MACO1: variants seen among roughly 807,000 people sequenced by gnomAD.
MACO1 encodes the protein macoilin.
In MACO1, 14 loss-of-function variants were observed where a neutral mutation model predicts 78.7. The ratio of observed to expected loss-of-function variants is 0.18; its 90% confidence interval spans 0.12 to 0.28. The LOEUF (loss-of-function observed/expected upper bound fraction) is 0.28, where lower values mean the gene tolerates loss of function less well. Among genes scored for constraint, MACO1 ranks in the 10% least tolerant of loss-of-function variants. The pLI is 1.00. For missense variants in MACO1, 501 were observed against 799.0 expected (o/e 0.63, Z 4.50); for synonymous variants, 288 against 291.6 (o/e 0.99, Z 0.12).
At chr1:25,452,224 A>T (rs2043072898) in intron 3 of MACO1, among the ~76,000 whole-genome samples, 2 of 152,170 alleles carry the variant, frequency 1.3e-5, no homozygotes, top group South Asian at 4.1e-4. Flanking sequence ...CTTTAGTTTC[A>T]TCCCAAAGAT....
intron 9 of MACO1, among the ~76,000 whole-genome samples, chr1:25,490,430 C>T (rs1002267695): frequency 1.5e-4 from 23 of 152,122 alleles, no homozygotes; most frequent in African/African-American, 5.1e-4. Flanking sequence ...ATGAAATTAG[C>T]AGATGATTTT....
chr1:25,474,033 G>T (rs972246081), intron 6 of MACO1, among the ~76,000 whole-genome samples: 1 of 152,234 alleles, frequency 6.6e-6, no homozygotes, highest in Admixed American at 6.5e-5. Flanking sequence ...ACAGGAGTGA[G>T]TGAGGCAGGC....
chr1:25,474,996 A>C (rs2043307371), intron 6 of MACO1, among the ~76,000 whole-genome samples: 1 of 152,170 alleles, frequency 6.6e-6, no homozygotes, highest in Admixed American at 6.5e-5. Context: ...ATTTAGAAAA[A>C]CTATTATTTT....
chr1:25,431,196 C>T lies in MACO1; in HGVS notation c.80+18C>T, dbSNP rs758701355. On this transcript the variant is annotated intron_variant, in intron 1 of 10. Coordinates refer to ENST00000374343, the MANE Select transcript of MACO1 (RefSeq NM_018202.6). ...TACGGCAGGTGAGCGGCTGCACCCC[C>T]ACTCCGCGGGCGCGGGCCCTGCGGT... is the stretch of plus-strand genomic sequence containing the variant. 4 of 1,578,342 alleles carry T rather than the reference C, an allele frequency of 2.5e-6. No individual in the cohort carries two copies. The highest frequency in any genetic ancestry group is 1.8e-5 in the Admixed American group (1 of 55,360).
At chr1:25,476,057 T>A (rs1205493367) in intron 6 of MACO1, among the ~76,000 whole-genome samples, 1 of 152,232 alleles carries the variant, frequency 6.6e-6, no homozygotes, top group African/African-American at 2.4e-5. Context: ...ACATAAGATA[T>A]GAATATTAAT....
At chr1:25,449,128 A>G (rs565347790) in intron 3 of MACO1, among the ~76,000 whole-genome samples, 194 bp downstream of exon 3, 1 of 152,260 alleles carries the variant, frequency 6.6e-6, no homozygotes, top group South Asian at 2.1e-4. Flanking sequence ...TTAAGCTGTT[A>G]TGATTTGATA....
intron 6 of MACO1, among the ~76,000 whole-genome samples, chr1:25,469,633 CT>C (rs1222159978): frequency 0.019 from 2,363 of 127,408 alleles, 12 homozygotes; most frequent in African/African-American, 0.035. Flanking sequence ...TAACCTCTGA[CT>C]TTTTTTTTTT....
intron 10 of MACO1, among the ~76,000 whole-genome samples, chr1:25,491,823 A>G (rs183717532): frequency 7.2e-5 from 11 of 152,392 alleles, no homozygotes; most frequent in Admixed American, 2.0e-4. Context: ...TCTACATTCA[A>G]GGAGCTCACA....
At chr1:25,483,658 C>T (rs1057007016) in intron 6 of MACO1, among the ~76,000 whole-genome samples, 4 of 152,160 alleles carry the variant, frequency 2.6e-5, no homozygotes, top group Non-Finnish European at 5.9e-5. Context: ...CTTCTAGGCC[C>T]ATGGTGGGAC....
At position 25,499,819 on chromosome 1, in the gene MACO1, C is replaced by T. The variant is rs2043571381; in HGVS notation, c.*1353C>T. 6.6e-6 allele frequency: 1 copy of T among 152,064 alleles called. No individual in the cohort carries two copies. The highest frequency in any genetic ancestry group is 1.5e-5 in the Non-Finnish European group (1 of 68,004). 9.4% of individuals were successfully genotyped at this position (152,064 alleles called of 1,614,324 possible). The stretch of plus-strand genomic sequence containing the variant: ...AAGGACATAGTTCTTCTAAAATTTC[C>T]TGTTAATTGGCATGTACGTCTCATT... On this transcript the variant is annotated 3_prime_UTR_variant, in exon 11 of 11. Transcript: ENST00000374343.
intron 1 of MACO1, among the ~76,000 whole-genome samples, chr1:25,439,708 G>C (rs559589441): frequency 8.7e-5 from 13 of 150,184 alleles, no homozygotes; most frequent in Admixed American, 8.0e-4. Context: ...TTTGTCTCTG[G>C]ATCTCTTTAC....
intron 1 of MACO1, among the ~76,000 whole-genome samples, chr1:25,437,844 C>A: frequency 6.6e-6 from 1 of 151,996 alleles, no homozygotes; most frequent in South Asian, 2.1e-4. Context: ...TCACGTGAGC[C>A]CAGGAGTTTG....
chr1:25,444,559 CT>C (rs1396828127), intron 1 of MACO1, among the ~76,000 whole-genome samples: 1 of 152,030 alleles, frequency 6.6e-6, no homozygotes, highest in East Asian at 1.9e-4. Context: ...TCCCGAATAC[CT>C]GCATGAGTCA....
chr1:25,431,153 C>T lies in MACO1; in HGVS notation c.55C>T (p.Arg19Trp). 6.3e-7 allele frequency: 1 copy of T among 1,598,754 alleles called. No homozygotes were observed. The highest frequency in any genetic ancestry group is 8.5e-7 in the Non-Finnish European group (1 of 1,174,802). The change falls in exon 1 of 11, where the codon CGG (arginine) becomes TGG (tryptophan). Residue 19 changes from arginine to tryptophan, a missense_variant. Transcript: ENST00000374343. ...GCTCCGCCGCCCCCTAAAGCGGAAC[C>T]GGATCACCGAGGGCATTTACGGCAG... Reference protein sequence around the residue: ...SKLRRPLKRNRITEGIYGSTF... With the variant: ...SKLRRPLKRNWITEGIYGSTF...
intron 8 of MACO1, 95 bp from the exon 9 acceptor site, chr1:25,489,078 C>A: frequency 6.9e-7 from 1 of 1,456,448 alleles, no homozygotes; most frequent in East Asian, 2.5e-5. Flanking sequence ...GCCTCGGCCT[C>A]CCAAAGTGCT....
At chr1:25,437,098 T>G (rs2042925146) in intron 1 of MACO1, among the ~76,000 whole-genome samples, 1 of 152,038 alleles carries the variant, frequency 6.6e-6, no homozygotes, top group African/African-American at 2.4e-5. Flanking sequence ...CTCATTCTGT[T>G]TTTGAATCAT....
At position 25,485,703 on chromosome 1, in the gene MACO1, T is replaced by C. The variant is rs2043423526; in HGVS notation, c.1404T>C (p.Ser468=). Residue 468 remains serine (S), a synonymous_variant, in exon 8 of 11, where the codon AGT becomes AGC. Transcript: ENST00000374343. This position sits in a 1 kb window ranked among gnomAD's most constrained non-coding sequence, Gnocchi z 4.3. ...TAAAAGCTGAGCAGGAAGCCCGAAG[T>C]TTTGTAGAGAAACAGTTAATGGAAG... ...KKLKAEQEAR[S]FVEKQLMEEK... is the part of the protein sequence containing the mutation. The C allele has an allele frequency of 1.9e-6, 3 of 1,614,066 alleles. 1 individual carries two copies. In the East Asian group the frequency reaches 6.7e-5, roughly 36 times the overall value.
At chr1:25,491,979 C>G (rs1038705955) in intron 10 of MACO1, among the ~76,000 whole-genome samples, 2 of 152,130 alleles carry the variant, frequency 1.3e-5, no homozygotes, top group African/African-American at 4.8e-5. Context: ...GAGCTGATGT[C>G]TGAGGTGGGC....
chr1:25,480,308 A>G (rs1288408946), intron 6 of MACO1, among the ~76,000 whole-genome samples: 1 of 152,242 alleles, frequency 6.6e-6, no homozygotes, highest in African/African-American at 2.4e-5. Context: ...TTAAACTGGG[A>G]ATGCTGGTGT....
Sources: allele counts gnomAD v4.1 joint callset (sites outside exome capture counted in the v4.1 genomes callset), GRCh38; gene constraint gnomAD v4.1.1; non-coding constraint Gnocchi (gnomAD v3.1); transcripts MANE v1.5; gene names NCBI Gene and HGNC (gene_info 2026-07-23, HGNC 2026-07-21).